Variants in CPVL observed in about 807,000 individuals in gnomAD.
CPVL encodes carboxypeptidase vitellogenic like, also known as probable serine carboxypeptidase CPVL.
A neutral mutation model predicts 63.7 loss-of-function variants in CPVL; 51 were observed. The ratio of observed to expected loss-of-function variants is 0.80; its 90% CI spans 0.64 to 1.01. The LOEUF (loss-of-function observed/expected upper bound fraction) is 1.01. Among genes scored for constraint, CPVL ranks in the 50% least tolerant of loss-of-function variants. The probability of loss-of-function intolerance (pLI) is 0.00; values close to 1 mark genes in which losing one functional copy is unlikely to be tolerated. For missense variants in CPVL, 530 were observed against 573.1 expected (o/e 0.92, Z 0.77); for synonymous variants, 195 against 206.0 (o/e 0.95, Z 0.46).
At chr7:29,155,005 A>C (rs895561849) in intron 5 of CPVL, among the ~76,000 whole-genome samples, 5 of 152,212 alleles carry the variant, frequency 3.3e-5, no homozygotes, top group Non-Finnish European at 5.9e-5. Flanking sequence ...GGCAAAGAGA[A>C]GGGTGCTTGT....
chr7:29,175,369 T>A (rs1797169945), intron 5 of CPVL, among the ~76,000 whole-genome samples: 1 of 151,570 alleles, frequency 6.6e-6, no homozygotes, highest in Admixed American at 6.6e-5. Flanking sequence ...AGAGAGGGGG[T>A]TTCACCATAT....
At chr7:29,195,022 C>T in intron 1 of CPVL, 2 of 1,577,370 alleles carry the variant, frequency 1.3e-6, no homozygotes, top group Non-Finnish European at 1.7e-6. Context: ...GCTGCTGCCG[C>T]GCCGGGTCTC....
chr7:29,003,554 A>C (rs1241600764), intron 12 of CPVL, among the ~76,000 whole-genome samples: 1 of 152,260 alleles, frequency 6.6e-6, no homozygotes, highest in Non-Finnish European at 1.5e-5. Flanking sequence ...CTGAGAATTT[A>C]CATATGTGAA....
At chr7:29,102,846 C>CA (rs750451741) in intron 3 of CPVL, among the ~76,000 whole-genome samples, 17 of 152,126 alleles carry the variant, frequency 1.1e-4, no homozygotes, top group Non-Finnish European at 2.1e-4. Context: ...AGAATCTCTA[C>CA]AAAAAGGAAT....
At chr7:29,083,104 T>C (rs1784892976) in intron 7 of CPVL, among the ~76,000 whole-genome samples, 1 of 152,148 alleles carries the variant, frequency 6.6e-6, no homozygotes, top group South Asian at 2.1e-4. Flanking sequence ...ACCTAAAGTG[T>C]AGTATGCTAA....
intron 11 of CPVL, among the ~76,000 whole-genome samples, chr7:29,032,255 C>T (rs1056840871): frequency 2.6e-5 from 4 of 151,994 alleles, no homozygotes; most frequent in Non-Finnish European, 5.9e-5. Context: ...AGGACTTTTA[C>T]ACACTCCAAA....
At chr7:29,073,936 T>G (rs17157466) in intron 7 of CPVL, among the ~76,000 whole-genome samples, 16,842 of 152,196 alleles carry the variant, frequency 0.11, 3,098 homozygotes, top group African/African-American at 0.38. Context: ...ACTAGAGACA[T>G]TATGTGGATA....
chr7:29,057,011 C>T (rs1790812331), intron 11 of CPVL, among the ~76,000 whole-genome samples: 1 of 141,340 alleles, frequency 7.1e-6, no homozygotes, highest in South Asian at 2.2e-4. Context: ...AGTACGGTGG[C>T]ACAGTCATGA....
chr7:29,055,955 C>T (rs1163673169), intron 11 of CPVL, among the ~76,000 whole-genome samples: 1 of 152,082 alleles, frequency 6.6e-6, no homozygotes, highest in Non-Finnish European at 1.5e-5. Flanking sequence ...TACCCATTAT[C>T]AAATATACTA....
At chr7:29,080,742 C>T (rs75444066) in intron 7 of CPVL, among the ~76,000 whole-genome samples, 7,843 of 151,220 alleles carry the variant, frequency 0.052, 234 homozygotes, top group Middle Eastern at 0.084. Flanking sequence ...ACCCAATGGG[C>T]CATGATGATT....
chr7:29,072,183 A>G, intron 8 of CPVL, 118 bp downstream of exon 8: 2 of 1,188,340 alleles, frequency 1.7e-6, no homozygotes, highest in Non-Finnish European at 2.4e-6. Context: ...TTTAAGTCAT[A>G]AAGTCAACTG....
intron 5 of CPVL, among the ~76,000 whole-genome samples, chr7:29,176,307 G>T (rs1797333520): frequency 6.6e-6 from 1 of 151,940 alleles, no homozygotes; most frequent in Non-Finnish European, 1.5e-5. Context: ...TAAAAATAAA[G>T]TCACATTTAG....
At chr7:28,997,243 G>C (rs1330058699) in intron 12 of CPVL, among the ~76,000 whole-genome samples, 1 of 152,198 alleles carries the variant, frequency 6.6e-6, no homozygotes, top group Non-Finnish European at 1.5e-5. Flanking sequence ...GGAGGTACCA[G>C]TGCATGAAGT....
chr7:29,084,478 G>A (rs1179530490), intron 7 of CPVL, among the ~76,000 whole-genome samples: 1 of 152,126 alleles, frequency 6.6e-6, no homozygotes. Flanking sequence ...CATGACACTT[G>A]TCCCTGCCTG....
intron 7 of CPVL, chr7:29,081,624 GAC>G (rs1345063681): frequency 2.6e-5 from 4 of 152,158 alleles, no homozygotes; most frequent in African/African-American, 9.7e-5. Context: ...CAAAATAATA[GAC>G]ACAGAGTAGA....
At chr7:29,077,965 G>C (rs1448559105) in intron 7 of CPVL, among the ~76,000 whole-genome samples, 1 of 152,208 alleles carries the variant, frequency 6.6e-6, no homozygotes, top group Admixed American at 6.5e-5. Context: ...TCTCTGAAGA[G>C]AGAAGTGTGG....
chr7:29,180,137 G>GT (rs1562811617), intron 5 of CPVL, among the ~76,000 whole-genome samples: 2 of 152,178 alleles, frequency 1.3e-5, no homozygotes, highest in South Asian at 2.1e-4. Context: ...TTCCCCAATA[G>GT]TTTTTTTATT....
At chr7:29,021,691 C>T (rs1430104098) in intron 12 of CPVL, among the ~76,000 whole-genome samples, 1 of 151,928 alleles carries the variant, frequency 6.6e-6, no homozygotes, top group East Asian at 2.0e-4. Flanking sequence ...TAAAGAGATG[C>T]CTGGAGTCCA....
At chr7:29,180,652 A>G (rs1051507480) in intron 5 of CPVL, among the ~76,000 whole-genome samples, 7 of 152,250 alleles carry the variant, frequency 4.6e-5, no homozygotes, top group Non-Finnish European at 8.8e-5. Flanking sequence ...AATTTGACCA[A>G]TTAAAAGTTA....
Sources: gnomAD v4.1 joint callset for allele counts (sites outside exome capture counted in the v4.1 genomes callset) on GRCh38, gnomAD v4.1.1 for gene constraint, MANE v1.5 for transcripts, NCBI Gene and HGNC (gene_info 2026-07-23, HGNC 2026-07-21) for gene names.